The following LMBR1 variants were observed in gnomAD, a reference collection of about 807,000 sequenced individuals.
LMBR1 encodes limb development membrane protein 1.
Under a neutral mutation model 73.9 loss-of-function variants are expected in LMBR1, and 52 were observed. The ratio of observed to expected loss-of-function variants is 0.70; its 90% CI spans 0.56 to 0.89. The LOEUF (loss-of-function observed/expected upper bound fraction) is 0.89, where lower values mean the gene tolerates loss of function less well. Ranked by LOEUF, LMBR1 falls within the 40% of genes least tolerant of loss-of-function variation. The pLI, the probability that LMBR1 is intolerant of heterozygous loss-of-function variation, is 0.00. For synonymous variants in LMBR1, 215 were observed against 209.4 expected, an observed-to-expected ratio of 1.03 and a Z score of -0.23; for missense variants, 539 against 579.8, an observed-to-expected ratio of 0.93 and a Z score of 0.72.
At chr7:156,794,767 C>T (rs999441488) in intron 5 of LMBR1, among the ~76,000 whole-genome samples, 4 of 152,144 alleles carry the variant, frequency 2.6e-5, no homozygotes, top group Admixed American at 2.6e-4. Flanking sequence ...TTATTGAAAG[C>T]AAACGTCGGC....
rs150852408 is a variant in LMBR1, at chr7:156,872,434, G to T, written c.66+20494C>A. ...AGGCCCAAGCAGACGGATCACCTGA[G>T]GTCAGGAGTTCGAGACCACCCAGAC... On this transcript the variant is annotated intron_variant, in intron 1 of 16. Coordinates refer to ENST00000353442, the MANE Select transcript of LMBR1 (RefSeq NM_022458.4). Among the ~76,000 whole-genome samples, 657 of 152,022 alleles carry T rather than the reference G, an allele frequency of 4.3e-3. 2 individuals are homozygous for T. The highest frequency in any genetic ancestry group is 7.3e-3 in the Non-Finnish European group (499 of 67,970).
intron 5 of LMBR1, among the ~76,000 whole-genome samples, chr7:156,782,104 C>T (rs1827234863): frequency 6.6e-6 from 1 of 152,192 alleles, no homozygotes; most frequent in Non-Finnish European, 1.5e-5. Context: ...TGTGACTGGA[C>T]TGTTTAACTT....
chr7:156,784,988 G>C (rs149951586), intron 5 of LMBR1, among the ~76,000 whole-genome samples: 96 of 152,066 alleles, frequency 6.3e-4, no homozygotes, highest in African/African-American at 2.2e-3. Flanking sequence ...AATTTTTCCC[G>C]GCACCAGAAA....
Position 156,893,151 on chromosome 7 carries a change from C to T in LMBR1, c.-158G>A, listed in dbSNP as rs886062123. ...GTACCGCGACCACGACACCGGCCGT[C>T]GCCTCAGCAGCCTCAGACGAGCAGC... On this transcript the variant is annotated 5_prime_UTR_variant, in exon 1 of 17. Coordinates refer to ENST00000353442, the MANE Select transcript of LMBR1 (RefSeq NM_022458.4). 2.5e-4 allele frequency: 152 copies of T among 613,966 alleles called. No homozygotes were observed. Among genetic ancestry groups the T allele is most frequent in the Non-Finnish European group, 3.4e-4 (142 of 416,342 alleles). The allele number at this position is 613,966 out of a possible 1,614,324, so 38.0% of individuals were successfully genotyped here. A position where few individuals can be genotyped will look rare whatever the true frequency, so the allele number is the denominator to read the frequency against.
intron 3 of LMBR1, among the ~76,000 whole-genome samples, chr7:156,828,569 GCTGAATATAACTAGTCA>G (rs1189225938): frequency 1.3e-5 from 2 of 152,172 alleles, no homozygotes; most frequent in Admixed American, 6.5e-5. Flanking sequence ...ACACTCAGAT[GCTGAATATAACTAGTCA>G]CTGAATATAA....
chr7:156,726,317 T>C (rs1267189758), intron 12 of LMBR1, among the ~76,000 whole-genome samples: 1 of 152,188 alleles, frequency 6.6e-6, no homozygotes, highest in Non-Finnish European at 1.5e-5. Flanking sequence ...TTCCCATACC[T>C]GAAAGTTTCC....
intron 15 of LMBR1, among the ~76,000 whole-genome samples, chr7:156,719,138 C>A (rs1001029142): frequency 2.2e-5 from 3 of 134,874 alleles, no homozygotes; most frequent in South Asian, 2.9e-4. Context: ...CCCCTCCCCC[C>A]ACCCCACAAC....
At chr7:156,879,414 CA>C in intron 1 of LMBR1, among the ~76,000 whole-genome samples, 1 of 152,246 alleles carries the variant, frequency 6.6e-6, no homozygotes, top group Non-Finnish European at 1.5e-5. Flanking sequence ...CCTGTAATCC[CA>C]GCACTTTGGG....
chr7:156,824,100 A>AACT (rs1266746555), intron 4 of LMBR1, among the ~76,000 whole-genome samples: 1 of 105,188 alleles, frequency 9.5e-6, no homozygotes, highest in Non-Finnish European at 2.3e-5. Context: ...AAAAAACAAC[A>AACT]ACAACAACAA....
intron 1 of LMBR1, among the ~76,000 whole-genome samples, chr7:156,854,206 G>A (rs1007140540): frequency 2.6e-5 from 4 of 152,154 alleles, no homozygotes; most frequent in Non-Finnish European, 4.4e-5. Context: ...GCAAACTACT[G>A]CTCTAAAAAG....
intron 1 of LMBR1, among the ~76,000 whole-genome samples, chr7:156,844,457 A>G (rs1049473233): frequency 9.9e-5 from 15 of 152,280 alleles, no homozygotes; most frequent in African/African-American, 3.6e-4. Flanking sequence ...CTAAAGTTGT[A>G]AGTCTCTTCC....
intron 16 of LMBR1, among the ~76,000 whole-genome samples, chr7:156,684,438 C>T (rs1805588337): frequency 6.6e-6 from 1 of 152,146 alleles, no homozygotes; most frequent in Non-Finnish European, 1.5e-5. Flanking sequence ...CTTCTCAGTT[C>T]AGTGGAGCTC....
At chr7:156,702,739 A>T (rs1444348754) in intron 15 of LMBR1, among the ~76,000 whole-genome samples, 1 of 152,252 alleles carries the variant, frequency 6.6e-6, no homozygotes, top group Non-Finnish European at 1.5e-5. Context: ...CATATGATCC[A>T]AGAAAAATGT....
intron 3 of LMBR1, among the ~76,000 whole-genome samples, chr7:156,831,832 G>A (rs1836752210): frequency 6.6e-6 from 1 of 152,206 alleles, no homozygotes; most frequent in Non-Finnish European, 1.5e-5. Context: ...CGAGTACACT[G>A]AAGTCGATTT....
At chr7:156,795,363 G>C (rs79653031) in intron 5 of LMBR1, among the ~76,000 whole-genome samples, 4,865 of 152,224 alleles carry the variant, frequency 0.032, 125 homozygotes, top group South Asian at 0.085. Flanking sequence ...AAGGCCAGAG[G>C]CCCATCTTTT....
At chr7:156,706,338 A>G (rs1303076917) in intron 15 of LMBR1, among the ~76,000 whole-genome samples, 1 of 152,042 alleles carries the variant, frequency 6.6e-6, no homozygotes, top group Non-Finnish European at 1.5e-5. Context: ...GGACTTCAAC[A>G]CCCTATTCAT....
At chr7:156,687,493 T>C (rs1806228435) in intron 16 of LMBR1, among the ~76,000 whole-genome samples, 1 of 152,228 alleles carries the variant, frequency 6.6e-6, no homozygotes, top group Non-Finnish European at 1.5e-5. Context: ...ACCATTACAA[T>C]ACATGTGACT....
chr7:156,843,300 G>C (rs1839032111), intron 1 of LMBR1, among the ~76,000 whole-genome samples: 1 of 152,082 alleles, frequency 6.6e-6, no homozygotes, highest in Non-Finnish European at 1.5e-5. Context: ...GAGAAGCACT[G>C]GTTTAGGGTA....
intron 15 of LMBR1, among the ~76,000 whole-genome samples, chr7:156,689,913 C>T (rs78568865): frequency 0.033 from 5,023 of 152,170 alleles, 129 homozygotes; most frequent in Non-Finnish European, 0.049. Flanking sequence ...AGATATAGTC[C>T]TACCAAAACA....
Sources: gnomAD v4.1 joint callset for allele counts (sites outside exome capture counted in the v4.1 genomes callset) on GRCh38, gnomAD v4.1.1 for gene constraint, MANE v1.5 for transcripts, NCBI Gene and HGNC (gene_info 2026-07-23, HGNC 2026-07-21) for gene names.